Variants in MBNL1 observed in about 807,000 individuals in gnomAD.
MBNL1 encodes muscleblind-like protein 1.
Under a neutral mutation model 42.2 loss-of-function variants are expected in MBNL1, and 8 were observed. The observed-to-expected ratio is 0.19, with a 90% CI of 0.11 to 0.34. The LOEUF (loss-of-function observed/expected upper bound fraction) is 0.34, where lower values mean the gene tolerates loss of function less well. Ranked by LOEUF, MBNL1 falls within the 10% of genes least tolerant of loss-of-function variation. The pLI, the probability that MBNL1 is intolerant of heterozygous loss-of-function variation, is 1.00. For synonymous variants in MBNL1, 169 were observed against 173.9 expected, an observed-to-expected ratio of 0.97 and a Z score of 0.22; for missense variants, 309 against 495.3, an observed-to-expected ratio of 0.62 and a Z score of 3.57.
intron 4 of MBNL1, 46 bp downstream of exon 4, chr3:152,432,966 C>A: frequency 6.5e-7 from 1 of 1,526,810 alleles, no homozygotes; most frequent in Non-Finnish European, 9.0e-7. Context: ...TTCTAATTCT[C>A]AAAGTGTGGT....
intron 2 of MBNL1, among the ~76,000 whole-genome samples, chr3:152,309,666 G>C (rs1429846106): frequency 6.6e-6 from 1 of 152,144 alleles, no homozygotes; most frequent in African/African-American, 2.4e-5. Flanking sequence ...CAAAAATACA[G>C]ACATAATCAG....
At chr3:152,443,749 A>C (rs1213554905) in intron 4 of MBNL1, among the ~76,000 whole-genome samples, 1 of 152,176 alleles carries the variant, frequency 6.6e-6, no homozygotes, top group East Asian at 1.9e-4. Context: ...TATGCTAATA[A>C]AAAACCAGAA....
chr3:152,261,231 G>A (rs1485049250), intron 2 of MBNL1, among the ~76,000 whole-genome samples: 1 of 152,112 alleles, frequency 6.6e-6, no homozygotes, highest in African/African-American at 2.4e-5. Context: ...TATCCAAAAT[G>A]TAGTCAGGGT....
intron 2 of MBNL1, among the ~76,000 whole-genome samples, chr3:152,337,617 T>G (rs1038638195): frequency 2.0e-5 from 3 of 149,956 alleles, no homozygotes; most frequent in Non-Finnish European, 3.0e-5. Flanking sequence ...CAGAGTGAGA[T>G]TCCATCTCAA....
chr3:152,310,649 G>C (rs920784826), intron 2 of MBNL1, among the ~76,000 whole-genome samples: 32 of 152,140 alleles, frequency 2.1e-4, no homozygotes, highest in African/African-American at 6.8e-4. Context: ...AATCTAGAAA[G>C]TCACTTCTGA....
At chr3:152,365,281 C>T (rs181093144) in intron 2 of MBNL1, among the ~76,000 whole-genome samples, 1 of 151,790 alleles carries the variant, frequency 6.6e-6, no homozygotes, top group South Asian at 2.1e-4. Context: ...TTTTTTATAA[C>T]CCCTCTTATC....
intron 2 of MBNL1, among the ~76,000 whole-genome samples, chr3:152,356,113 A>G (rs957526600): frequency 3.9e-5 from 6 of 152,176 alleles, no homozygotes; most frequent in Non-Finnish European, 8.8e-5. Flanking sequence ...GTTTTATGAA[A>G]TCATTCTCTG....
At chr3:152,373,747 T>C (rs1471475458) in intron 2 of MBNL1, among the ~76,000 whole-genome samples, 1 of 152,216 alleles carries the variant, frequency 6.6e-6, no homozygotes, top group Non-Finnish European at 1.5e-5. Flanking sequence ...ACCTGAGCTG[T>C]TCCTGTTAGG....
chr3:152,437,196 C>T, intron 4 of MBNL1, among the ~76,000 whole-genome samples: 1 of 152,252 alleles, frequency 6.6e-6, no homozygotes, highest in South Asian at 2.1e-4. Flanking sequence ...TGTTGAGTTC[C>T]TTCTGAGGTG....
At chr3:152,335,144 T>G in intron 2 of MBNL1, 2 of 1,289,672 alleles carry the variant, frequency 1.6e-6, no homozygotes, top group Non-Finnish European at 2.0e-6. Context: ...AAGGGGAACC[T>G]TCTGGATCCT....
intron 2 of MBNL1, chr3:152,338,773 G>A (rs2152788915): frequency 1.2e-6 from 1 of 854,892 alleles, no homozygotes; most frequent in South Asian, 5.4e-5. Context: ...ATGTCCTTGG[G>A]AAACTCTGTG....
intron 4 of MBNL1, among the ~76,000 whole-genome samples, chr3:152,436,255 G>A (rs1015455533): frequency 1.3e-5 from 2 of 152,130 alleles, no homozygotes; most frequent in South Asian, 2.1e-4. Context: ...CACATGCATC[G>A]CAGGTTTAAT....
intron 2 of MBNL1, among the ~76,000 whole-genome samples, chr3:152,389,291 G>A (rs2097574166): frequency 6.6e-6 from 1 of 152,110 alleles, no homozygotes; most frequent in Non-Finnish European, 1.5e-5. Context: ...GTTTCTCCAT[G>A]TTGGTCAGGC....
chr3:152,377,849 C>T (rs917469816), intron 2 of MBNL1, among the ~76,000 whole-genome samples: 2 of 152,194 alleles, frequency 1.3e-5, no homozygotes, highest in Admixed American at 6.5e-5. Flanking sequence ...CGCTTACTGT[C>T]TTCCGTGGAT....
At chr3:152,412,236 CA>C (rs1258735262) in intron 2 of MBNL1, among the ~76,000 whole-genome samples, 4 of 152,196 alleles carry the variant, frequency 2.6e-5, no homozygotes, top group Non-Finnish European at 5.9e-5. Context: ...TCCTAAGAAG[CA>C]AAGTGTATCT....
At chr3:152,279,838 A>C (rs144530690) in intron 1 of MBNL1, among the ~76,000 whole-genome samples, 498 of 152,268 alleles carry the variant, frequency 3.3e-3, no homozygotes, top group African/African-American at 0.011. Context: ...TTATGCTTTT[A>C]TGTTACATCA....
chr3:152,317,224 T>C (rs2072436860), intron 2 of MBNL1, among the ~76,000 whole-genome samples: 1 of 152,222 alleles, frequency 6.6e-6, no homozygotes, highest in Non-Finnish European at 1.5e-5. Flanking sequence ...GTGTTAACTT[T>C]TAAAAGATTC....
intron 3 of MBNL1, among the ~76,000 whole-genome samples, chr3:152,422,749 C>G (rs1266607942): frequency 6.6e-6 from 1 of 152,186 alleles, no homozygotes; most frequent in Admixed American, 6.5e-5. Flanking sequence ...TAAACAGTCT[C>G]TCAGACCACA....
chr3:152,402,999 T>G (rs1185541871), intron 2 of MBNL1, among the ~76,000 whole-genome samples: 1 of 152,150 alleles, frequency 6.6e-6, no homozygotes, highest in Non-Finnish European at 1.5e-5. Context: ...CAACAACTAT[T>G]TCTAATAAAA....
Sources: allele counts gnomAD v4.1 joint callset (sites outside exome capture counted in the v4.1 genomes callset), GRCh38; gene constraint gnomAD v4.1.1; transcripts MANE v1.5; gene names NCBI Gene and HGNC (gene_info 2026-07-23, HGNC 2026-07-21).